Variants in TAFA1 observed in about 807,000 individuals in gnomAD.
The protein encoded by TAFA1 is chemokine-like protein TAFA-1.
A neutral mutation model predicts 18.5 loss-of-function variants in TAFA1; 4 were observed. The observed-to-expected ratio is 0.22, with a 90% CI of 0.11 to 0.49. TAFA1 has a LOEUF of 0.49. Ranked by LOEUF, TAFA1 falls within the 20% of genes least tolerant of loss-of-function variation. TAFA1 has a pLI of 0.98. For missense variants in TAFA1, 147 were observed against 169.0 expected (o/e 0.87, Z 0.72); for synonymous variants, 56 against 55.2 (o/e 1.01, Z -0.06).
intron 4 of TAFA1, among the ~76,000 whole-genome samples, chr3:68,539,670 T>TGA (rs1413684042): frequency 4.8e-4 from 3 of 6,232 alleles, no homozygotes; most frequent in Non-Finnish European, 1.1e-3. Flanking sequence ...TCTCTCTGTG[T>TGA]GTGTGTGTGG....
At chr3:68,357,753 G>A (rs1171496065) in intron 2 of TAFA1, among the ~76,000 whole-genome samples, 1 of 151,924 alleles carries the variant, frequency 6.6e-6, no homozygotes, top group East Asian at 1.9e-4. Context: ...GACTGACAGG[G>A]CATTTTTATA....
Position 68,390,890 on chromosome 3 carries a change from C to T in TAFA1, c.119-26390C>T, listed in dbSNP as rs150825720. Among the ~76,000 whole-genome samples the T allele has an allele frequency of 1.6e-4, 25 of 152,210 alleles. No individual in the cohort carries two copies. In the Middle Eastern group the frequency reaches 0.01, roughly 62 times the overall value. On this transcript the variant is annotated intron_variant, in intron 2 of 4. Coordinates refer to ENST00000478136, the MANE Select transcript of TAFA1 (RefSeq NM_213609.4). ...CAAAGACCAAATGTCAGTAAATCCA[C>T]GAAGAAGGGGAAAAAGCAGCACAAA...
At chr3:68,379,643 T>C (rs143349636) in intron 2 of TAFA1, among the ~76,000 whole-genome samples, 28 of 152,248 alleles carry the variant, frequency 1.8e-4, no homozygotes, top group African/African-American at 6.5e-4. Flanking sequence ...CACTTAAGTC[T>C]TTAATTTTAA....
In TAFA1 at chr3:68,331,421, G is replaced by A. The variant is rs115265293; in HGVS notation, c.119-85859G>A. 2.3e-3 allele frequency among the ~76,000 whole-genome samples: 354 copies of A among 152,200 alleles called. 5 individuals are homozygous for A. The highest frequency in any genetic ancestry group is 8.1e-3 in the African/African-American group (338 of 41,534). ...AATGCCACTAAATTTCATTTTATAT[G>A]ATGAATTTTATATTGTATAGTTCAG... On this transcript the variant is annotated intron_variant, in intron 2 of 4. Transcript: ENST00000478136.
intron 2 of TAFA1, among the ~76,000 whole-genome samples, chr3:68,375,893 AAAAGTG>A (rs2069803108): frequency 6.6e-6 from 1 of 152,210 alleles, no homozygotes; most frequent in Admixed American, 6.5e-5. Context: ...TACTGCAGTC[AAAAGTG>A]AAAGAATCTC....
chr3:68,433,451 T>G (rs2071215435), intron 3 of TAFA1, among the ~76,000 whole-genome samples: 3 of 152,118 alleles, frequency 2.0e-5, no homozygotes, highest in Admixed American at 1.3e-4. Context: ...TGTTGGCTAC[T>G]GTACATCTTG....
intron 2 of TAFA1, among the ~76,000 whole-genome samples, chr3:68,107,447 C>T (rs2065216284): frequency 6.6e-6 from 1 of 152,048 alleles, no homozygotes; most frequent in Non-Finnish European, 1.5e-5. Context: ...AAATATTACT[C>T]AGCAACAAAA....
At position 68,227,652 on chromosome 3, in the gene TAFA1, A is replaced by G. The variant is rs1429552337; in HGVS notation, c.119-189628A>G. On this transcript the variant is annotated intron_variant, in intron 2 of 4. Transcript: ENST00000478136. ...TGAAAGACTGAATAGAAGATGGAAA[A>G]TATAATGCTGACCACTTATATATTA... Among the ~76,000 whole-genome samples, 3 of 152,224 alleles carry G rather than the reference A, an allele frequency of 2.0e-5. No homozygotes were observed. The East Asian group carries it at 5.8e-4, about 29-fold the overall frequency.
At chr3:68,443,473 CAAAAAA>C (rs56944130) in intron 3 of TAFA1, among the ~76,000 whole-genome samples, 5 of 96,122 alleles carry the variant, frequency 5.2e-5, no homozygotes, top group East Asian at 2.4e-4. Context: ...GGGCAATTTA[CAAAAAA>C]AAAAAAAAAA....
intron 2 of TAFA1, among the ~76,000 whole-genome samples, chr3:68,372,347 C>T (rs190796762): frequency 3.3e-4 from 50 of 152,132 alleles, no homozygotes; most frequent in Non-Finnish European, 6.2e-4. Flanking sequence ...TAGTGACAGC[C>T]GAAAATGTAC....
chr3:68,110,785 G>C, intron 2 of TAFA1, among the ~76,000 whole-genome samples: 1 of 152,004 alleles, frequency 6.6e-6, no homozygotes, highest in Non-Finnish European at 1.5e-5. Flanking sequence ...GCGGTTCTTT[G>C]GCATAAAAGT....
intron 3 of TAFA1, among the ~76,000 whole-genome samples, chr3:68,438,866 G>A (rs1020507871): frequency 2.6e-5 from 4 of 152,062 alleles, no homozygotes; most frequent in African/African-American, 7.2e-5. Context: ...CAGCTAGGAT[G>A]GCCACACATT....
intron 2 of TAFA1, among the ~76,000 whole-genome samples, chr3:68,009,218 A>T (rs1440175093): frequency 1.3e-5 from 2 of 152,238 alleles, no homozygotes; most frequent in Non-Finnish European, 2.9e-5. Context: ...GCGTATAATC[A>T]TGAAATAGAT....
chr3:68,226,646 ATTT>A, intron 2 of TAFA1, among the ~76,000 whole-genome samples: 1 of 152,294 alleles, frequency 6.6e-6, no homozygotes, highest in Non-Finnish European at 1.5e-5. Context: ...TGTGTAACAC[ATTT>A]TACAAGGTAC....
At chr3:68,154,728 G>T (rs1316210548) in intron 2 of TAFA1, among the ~76,000 whole-genome samples, 1 of 152,078 alleles carries the variant, frequency 6.6e-6, no homozygotes, top group East Asian at 1.9e-4. Context: ...TGCCTTGGGG[G>T]TAGTTCTCTC....
intron 3 of TAFA1, among the ~76,000 whole-genome samples, chr3:68,505,829 T>C (rs985674763): frequency 5.3e-5 from 8 of 152,042 alleles, no homozygotes; most frequent in Middle Eastern, 3.2e-3. Context: ...AGGAGTCTTA[T>C]ACAATAAAAC....
intron 2 of TAFA1, among the ~76,000 whole-genome samples, chr3:68,259,661 T>A (rs1468362268): frequency 6.6e-6 from 1 of 152,154 alleles, no homozygotes; most frequent in Non-Finnish European, 1.5e-5. Flanking sequence ...ACATCCCTTG[T>A]AAGTTGGATT....
intron 3 of TAFA1, among the ~76,000 whole-genome samples, chr3:68,483,110 C>T (rs1271273788): frequency 6.6e-6 from 1 of 152,156 alleles, no homozygotes; most frequent in Non-Finnish European, 1.5e-5. Flanking sequence ...AAAGGTGCAT[C>T]CAGGCCTCAG....
chr3:68,389,971 T>C (rs2070193248), intron 2 of TAFA1, among the ~76,000 whole-genome samples: 1 of 152,160 alleles, frequency 6.6e-6, no homozygotes, highest in Admixed American at 6.5e-5. Context: ...GGACTTTTTC[T>C]TGTACCCCAG....
Sources: allele counts gnomAD v4.1 joint callset (sites outside exome capture counted in the v4.1 genomes callset), GRCh38; gene constraint gnomAD v4.1.1; transcripts MANE v1.5; gene names NCBI Gene and HGNC (gene_info 2026-07-23, HGNC 2026-07-21).